The following KCNQ5 variants were observed in gnomAD, a reference collection of about 807,000 sequenced individuals.
The protein encoded by KCNQ5 is potassium voltage-gated channel subfamily Q member 5, also known as potassium voltage-gated channel subfamily KQT member 5.
Under a neutral mutation model 98.2 loss-of-function variants are expected in KCNQ5, and 30 were observed. The ratio of observed to expected loss-of-function variants is 0.31; its 90% CI spans 0.23 to 0.41. KCNQ5 has a LOEUF of 0.41. Among genes scored for constraint, KCNQ5 ranks in the 10% least tolerant of loss-of-function variants. The pLI is 1.00. For missense variants in KCNQ5, 835 were observed against 1,182.5 expected, an observed-to-expected ratio of 0.71 and a Z score of 4.31; for synonymous variants, 458 against 449.4, an observed-to-expected ratio of 1.02 and a Z score of -0.24.
intron 1 of KCNQ5, among the ~76,000 whole-genome samples, chr6:72,739,932 G>C (rs1771044680): frequency 6.6e-6 from 1 of 152,144 alleles, no homozygotes; most frequent in South Asian, 2.1e-4. Flanking sequence ...CCATAAACTT[G>C]CTGCCTCAGA....
Position 73,194,657 on chromosome 6 carries a change from G to C in KCNQ5, c.2042G>C (p.Ser681Thr). The change falls in exon 14 of 14, where the codon AGT becomes ACT. Residue 681 changes from serine to threonine, a missense_variant. This residue lies in a region of KCNQ5 where 416 missense variants were observed against 446.9 expected (regional missense o/e 0.93). Transcript: ENST00000370398. ...QNSGCLSRST[S>T]ANISRGLQFI... ...AGTGGCTGCTTATCCAGATCAACTAGTGCCAACATCTCGAGAGGCCTGCAG... is the reference window on the plus strand; with the variant it reads ...AGTGGCTGCTTATCCAGATCAACTACTGCCAACATCTCGAGAGGCCTGCAG... The C allele has an allele frequency of 6.2e-7, 1 of 1,614,224 alleles. No homozygotes were observed. The highest frequency in any genetic ancestry group is 8.5e-7 in the Non-Finnish European group (1 of 1,180,040).
chr6:72,812,467 C>T (rs1321512873), intron 1 of KCNQ5, among the ~76,000 whole-genome samples: 3 of 152,180 alleles, frequency 2.0e-5, no homozygotes, highest in Non-Finnish European at 4.4e-5. Flanking sequence ...ATCATTTATA[C>T]TCTGCTAAAA....
intron 1 of KCNQ5, among the ~76,000 whole-genome samples, chr6:72,774,857 C>T (rs1288372034): frequency 6.6e-6 from 1 of 152,128 alleles, no homozygotes. Context: ...ACAAATGGGA[C>T]TTGTACCCTG....
intron 1 of KCNQ5, among the ~76,000 whole-genome samples, chr6:72,978,503 T>C (rs913679779): frequency 6.6e-6 from 1 of 152,230 alleles, no homozygotes; most frequent in African/African-American, 2.4e-5. Flanking sequence ...TGAATGAGTA[T>C]CTTCAAGAAA....
intron 1 of KCNQ5, among the ~76,000 whole-genome samples, chr6:72,995,132 G>A (rs1024819534): frequency 6.6e-6 from 1 of 152,148 alleles, no homozygotes; most frequent in South Asian, 2.1e-4. Context: ...ACTTTGGGAA[G>A]CCAAGGCGAG....
chr6:72,701,188 G>A (rs1011598243), intron 1 of KCNQ5, among the ~76,000 whole-genome samples: 2 of 152,106 alleles, frequency 1.3e-5, no homozygotes, highest in Admixed American at 1.3e-4. Context: ...ACCAGTTCAA[G>A]GTAAAAGGAT....
chr6:72,934,551 A>G (rs1765821726), intron 1 of KCNQ5, among the ~76,000 whole-genome samples: 1 of 152,204 alleles, frequency 6.6e-6, no homozygotes, highest in Non-Finnish European at 1.5e-5. Flanking sequence ...TGACAATGAG[A>G]TTTCAAAGGT....
intron 1 of KCNQ5, among the ~76,000 whole-genome samples, chr6:72,794,472 T>C (rs1379016784): frequency 6.6e-6 from 1 of 152,210 alleles, no homozygotes; most frequent in Non-Finnish European, 1.5e-5. Flanking sequence ...CTTTGTTGGC[T>C]AATTGTCATT....
intron 1 of KCNQ5, among the ~76,000 whole-genome samples, chr6:72,944,932 A>G (rs1306833057): frequency 6.6e-6 from 1 of 152,220 alleles, no homozygotes; most frequent in African/African-American, 2.4e-5. Flanking sequence ...GTTCCAAAAT[A>G]GATGCTGAGG....
chr6:73,156,491 G>C (rs1382172627), intron 10 of KCNQ5, among the ~76,000 whole-genome samples: 7 of 152,140 alleles, frequency 4.6e-5, no homozygotes, highest in Admixed American at 4.6e-4. Context: ...CAGGCGTGGT[G>C]GTGCGCACCT....
chr6:72,927,642 G>T (rs1170141586), intron 1 of KCNQ5, among the ~76,000 whole-genome samples: 1 of 151,980 alleles, frequency 6.6e-6, no homozygotes, highest in Non-Finnish European at 1.5e-5. Flanking sequence ...ACTATTTAAA[G>T]ATCATGATAT....
At chr6:72,880,594 A>G (rs1778600336) in intron 1 of KCNQ5, among the ~76,000 whole-genome samples, 1 of 152,210 alleles carries the variant, frequency 6.6e-6, no homozygotes, top group Non-Finnish European at 1.5e-5. Context: ...TGAAGGTTAC[A>G]GACATATGTG....
chr6:73,191,287 T>G (rs1347490945), intron 12 of KCNQ5, among the ~76,000 whole-genome samples: 1 of 152,112 alleles, frequency 6.6e-6, no homozygotes, highest in African/African-American at 2.4e-5. Flanking sequence ...CTTGTGTTGT[T>G]TCCTGGTTGC....
Position 73,190,673 on chromosome 6 carries a change from ATGT to A in KCNQ5, c.1682_1684del (p.Leu561del). On this transcript the variant is annotated inframe_deletion, in exon 12 of 14. Transcript: ENST00000370398. ...ACAATATTCTGCTGGTCATCTGGAC[ATGT>A]TGTGTAGAATTAAAAGCCTTCAAAC... The A allele has an allele frequency of 6.3e-7, 1 of 1,596,098 alleles. No homozygotes were observed. The highest frequency in any genetic ancestry group is 8.5e-7 in the Non-Finnish European group (1 of 1,169,802).
chr6:72,873,886 G>A (rs1464527685), intron 1 of KCNQ5, among the ~76,000 whole-genome samples: 1 of 151,816 alleles, frequency 6.6e-6, no homozygotes, highest in Non-Finnish European at 1.5e-5. Context: ...AAACTTTAAT[G>A]ACAGTCAGCA....
chr6:72,737,657 T>C (rs1770919038), intron 1 of KCNQ5, among the ~76,000 whole-genome samples: 1 of 152,228 alleles, frequency 6.6e-6, no homozygotes, highest in African/African-American at 2.4e-5. Context: ...TTTACTTTTG[T>C]ATCATATATT....
At chr6:73,080,624 G>A (rs1020046826) in intron 5 of KCNQ5, among the ~76,000 whole-genome samples, 4 of 152,132 alleles carry the variant, frequency 2.6e-5, no homozygotes, top group African/African-American at 9.6e-5. Flanking sequence ...TTAAAATTGC[G>A]CATGTTGCAC....
intron 3 of KCNQ5, among the ~76,000 whole-genome samples, chr6:73,071,347 T>G (rs1773291624): frequency 6.6e-6 from 1 of 152,188 alleles, no homozygotes; most frequent in Non-Finnish European, 1.5e-5. Context: ...CTCAAGAAAT[T>G]TAGCCTTAAA....
intron 1 of KCNQ5, among the ~76,000 whole-genome samples, chr6:72,821,317 A>C (rs1775741879): frequency 1.3e-5 from 2 of 152,346 alleles, no homozygotes; most frequent in South Asian, 4.1e-4. Flanking sequence ...ATTCTAAAGA[A>C]GGAATACAAG....
Sources: allele counts gnomAD v4.1 joint callset (sites outside exome capture counted in the v4.1 genomes callset), GRCh38; gene constraint gnomAD v4.1.1; regional missense constraint gnomAD v4.1.1; transcripts MANE v1.5; gene names NCBI Gene and HGNC (gene_info 2026-07-23, HGNC 2026-07-21).